The following CEP112 variants were observed in gnomAD, a reference collection of about 807,000 sequenced individuals.
CEP112 encodes centrosomal protein 112.
Under a neutral mutation model 153.0 loss-of-function variants are expected in CEP112, and 127 were observed. The observed-to-expected ratio is 0.83, with a 90% CI of 0.72 to 0.96. The LOEUF is 0.96. CEP112 is among the 40% of genes least tolerant of loss of function. The probability of loss-of-function intolerance (pLI) is 0.00; values close to 1 mark genes in which losing one functional copy is unlikely to be tolerated. For synonymous variants in CEP112, 358 were observed against 374.4 expected (o/e 0.96, Z 0.51); for missense variants, 1,089 against 1,101.2 (o/e 0.99, Z 0.16).
chr17:66,116,163 G>A (rs556405996), intron 6 of CEP112, among the ~76,000 whole-genome samples: 67 of 152,164 alleles, frequency 4.4e-4, no homozygotes, highest in African/African-American at 1.5e-3. Context: ...AATTTGTAAC[G>A]TTCCTTACAC....
intron 23 of CEP112, among the ~76,000 whole-genome samples, chr17:65,726,802 GTA>G (rs2050209391): frequency 1.3e-5 from 2 of 152,130 alleles, no homozygotes; most frequent in African/African-American, 4.8e-5. Context: ...ATCTTTTTAT[GTA>G]TATGACATGC....
intron 8 of CEP112, among the ~76,000 whole-genome samples, chr17:66,085,814 T>C (rs2067902659): frequency 6.6e-6 from 1 of 151,864 alleles, no homozygotes; most frequent in Non-Finnish European, 1.5e-5. Context: ...CCGTCTCTAC[T>C]AAAGATACAA....
chr17:65,785,839 G>T (rs2054249704), intron 21 of CEP112, among the ~76,000 whole-genome samples: 1 of 151,968 alleles, frequency 6.6e-6, no homozygotes, highest in Admixed American at 6.6e-5. Flanking sequence ...GTCCTTTTAT[G>T]TGTATCTTGT....
intron 20 of CEP112, among the ~76,000 whole-genome samples, chr17:65,899,308 T>A (rs2059766944): frequency 6.6e-6 from 1 of 152,138 alleles, no homozygotes; most frequent in Non-Finnish European, 1.5e-5. Context: ...GGTGGTAAAA[T>A]TTAATGTGCA....
chr17:66,059,558 C>T (rs2066840809), intron 11 of CEP112, among the ~76,000 whole-genome samples: 1 of 152,146 alleles, frequency 6.6e-6, no homozygotes, highest in Admixed American at 6.6e-5. Context: ...TGTTCAACAT[C>T]ACACGTCATC....
At chr17:65,811,821 C>T (rs1019388427) in intron 21 of CEP112, among the ~76,000 whole-genome samples, 3 of 151,934 alleles carry the variant, frequency 2.0e-5, no homozygotes, top group South Asian at 2.1e-4. Context: ...TATTTAGAAC[C>T]GAAAACTAAA....
intron 21 of CEP112, among the ~76,000 whole-genome samples, chr17:65,825,708 A>G (rs1389457591): frequency 6.6e-6 from 1 of 152,204 alleles, no homozygotes; most frequent in Non-Finnish European, 1.5e-5. Flanking sequence ...ATTAATTAAA[A>G]TAAATACATA....
At chr17:66,179,775 A>AC (rs2072639994) in intron 2 of CEP112, among the ~76,000 whole-genome samples, 2 of 152,188 alleles carry the variant, frequency 1.3e-5, no homozygotes, top group African/African-American at 4.8e-5. Context: ...CAGATCTTAA[A>AC]GGAAAGGCTT....
chr17:65,873,262 G>T (rs932051058), intron 20 of CEP112: 4 of 152,156 alleles, frequency 2.6e-5, no homozygotes, highest in Admixed American at 2.6e-4. Context: ...TCTCTGATCT[G>T]GATTTCTTAC....
intron 21 of CEP112, among the ~76,000 whole-genome samples, chr17:65,821,029 A>T (rs2056504653): frequency 6.6e-6 from 1 of 152,078 alleles, no homozygotes; most frequent in Non-Finnish European, 1.5e-5. Flanking sequence ...ATGAATATTA[A>T]AAACAGTTAT....
intron 19 of CEP112, among the ~76,000 whole-genome samples, chr17:65,925,198 T>C (rs1358295299): frequency 1.1e-4 from 16 of 152,316 alleles, no homozygotes. Flanking sequence ...GTTTTATAAA[T>C]GGGAGTTCCC....
At chr17:65,688,917 G>GC (rs1165014700) in intron 24 of CEP112, 7 of 374,660 alleles carry the variant, frequency 1.9e-5, no homozygotes, top group Non-Finnish European at 3.4e-5. Context: ...ACAGGCACCT[G>GC]CCACCACACC....
At chr17:65,818,047 T>TA (rs1246000129) in intron 21 of CEP112, among the ~76,000 whole-genome samples, 2 of 151,864 alleles carry the variant, frequency 1.3e-5, no homozygotes, top group African/African-American at 4.8e-5. Context: ...TGTCAACACT[T>TA]AACACGCTGC....
intron 24 of CEP112, among the ~76,000 whole-genome samples, chr17:65,649,826 T>C (rs1267548387): frequency 1.3e-5 from 2 of 152,004 alleles, no homozygotes; most frequent in Non-Finnish European, 2.9e-5. Flanking sequence ...ATTCTATGGA[T>C]GTTATCTCCT....
At chr17:66,128,132 G>A (rs1019870540) in intron 6 of CEP112, among the ~76,000 whole-genome samples, 7 of 151,514 alleles carry the variant, frequency 4.6e-5, no homozygotes, top group African/African-American at 9.7e-5. Context: ...TGAAACCCCC[G>A]TCTCTACTAA....
intron 6 of CEP112, among the ~76,000 whole-genome samples, chr17:66,108,230 T>C (rs142810657): frequency 2.8e-4 from 42 of 152,204 alleles, no homozygotes; most frequent in Middle Eastern, 3.4e-3. Context: ...CTCCAGGACA[T>C]TGGAGTGGGC....
intron 23 of CEP112, among the ~76,000 whole-genome samples, chr17:65,715,030 A>G (rs1008905600): frequency 2.6e-5 from 4 of 152,152 alleles, no homozygotes; most frequent in African/African-American, 7.2e-5. Context: ...GGAAGAGTCC[A>G]GGGGAGAAGT....
intron 24 of CEP112, among the ~76,000 whole-genome samples, chr17:65,654,510 TG>T (rs900224266): frequency 6.6e-6 from 1 of 152,090 alleles, no homozygotes; most frequent in African/African-American, 2.4e-5. Flanking sequence ...GGCAAGCGGG[TG>T]GCTGGTGCAG....
intron 19 of CEP112, among the ~76,000 whole-genome samples, chr17:65,909,065 G>A (rs1212777549): frequency 6.6e-6 from 1 of 152,186 alleles, no homozygotes; most frequent in East Asian, 1.9e-4. Context: ...AATAGAAAAG[G>A]AGATGGAAAA....
Sources: gnomAD v4.1 joint callset for allele counts (sites outside exome capture counted in the v4.1 genomes callset) on GRCh38, gnomAD v4.1.1 for gene constraint, MANE v1.5 for transcripts, NCBI Gene and HGNC (gene_info 2026-07-23, HGNC 2026-07-21) for gene names.